Variants in SPTAN1 observed in about 807,000 individuals in gnomAD.
SPTAN1 encodes the protein spectrin alpha chain, non-erythrocytic 1.
In SPTAN1, 61 loss-of-function variants were observed where a neutral mutation model predicts 331.3. The ratio of observed to expected loss-of-function variants is 0.18; its 90% confidence interval spans 0.15 to 0.23. SPTAN1 has a LOEUF of 0.23. Ranked by LOEUF, SPTAN1 falls within the 10% of genes least tolerant of loss-of-function variation. The pLI is 1.00. For missense variants in SPTAN1, 2,043 were observed against 3,147.9 expected, an observed-to-expected ratio of 0.65 and a Z score of 8.40; for synonymous variants, 1,153 against 1,173.9, an observed-to-expected ratio of 0.98 and a Z score of 0.36.
chr9:128,619,072 G>A, intron 44 of SPTAN1, 69 bp downstream of exon 44: 5 of 1,607,886 alleles, frequency 3.1e-6, no homozygotes, highest in South Asian at 1.1e-5. Context: ...TCATTTCCCT[G>A]TTGGTTTGTT....
rs551506340 is a variant in SPTAN1, at chr9:128,590,483, C to T, written c.3007-994C>T. On this transcript the variant is annotated intron_variant, in intron 21 of 56. Transcript: ENST00000372739. Reference sequence around the variant, plus strand: ...CTTTGGGAGGCCGAGACAGGAGGATCGCTTGAGCCCAGGAGTTCGAGACCA... The same window carrying T: ...CTTTGGGAGGCCGAGACAGGAGGATTGCTTGAGCCCAGGAGTTCGAGACCA... Among the ~76,000 whole-genome samples the T allele has an allele frequency of 1.0e-3, 149 of 147,652 alleles. 1 individual carries two copies. Among genetic ancestry groups the T allele is most frequent in the Non-Finnish European group, 4.0e-4 (27 of 67,390 alleles).
In SPTAN1 at chr9:128,627,035, ACTC is replaced by A. The variant is rs1564318271; in HGVS notation, c.6577-348_6577-346del. On this transcript the variant is annotated intron_variant, in intron 49 of 56. Coordinates refer to ENST00000372739, the MANE Select transcript of SPTAN1 (RefSeq NM_001130438.3). The surrounding 1 kb of genome is among the most constrained non-coding windows in gnomAD (Gnocchi z 4.9). ...GCTATGTTGCCCAGGCTGGTCTTCAACTCCTGGCCTCAAGCAGTCCTCCTGCCC... is the reference window on the plus strand; with the variant it reads ...GCTATGTTGCCCAGGCTGGTCTTCAACTGGCCTCAAGCAGTCCTCCTGCCC... The A allele has an allele frequency of 1.8e-6, 1 of 544,898 alleles. No homozygotes were observed. Among genetic ancestry groups the A allele is most frequent in the Non-Finnish European group, 3.5e-6 (1 of 286,544 alleles). 33.8% of individuals were successfully genotyped at this position (544,898 alleles called of 1,614,324 possible). A position where few individuals can be genotyped will look rare whatever the true frequency, so the allele number is the denominator to read the frequency against.
intron 1 of SPTAN1, among the ~76,000 whole-genome samples, chr9:128,560,084 C>CTTTT (rs376433063): frequency 0.14 from 17,742 of 129,800 alleles, 1,837 homozygotes; most frequent in East Asian, 0.43. Flanking sequence ...TCCACCTCAC[C>CTTTT]TTTTTTTTTT....
rs1055767760 is a variant in SPTAN1, at chr9:128,583,367, C to G, written c.2011+86C>G. ...TTAAGTATTTTAGGGACATATACCC[C>G]CCAAGAAAGGTGAGGTGGATGACTT... is the stretch of plus-strand genomic sequence containing the variant. On this transcript the variant is annotated intron_variant, in intron 15 of 56. Coordinates refer to ENST00000372739, the MANE Select transcript of SPTAN1 (RefSeq NM_001130438.3). 7 of 1,356,270 alleles carry G rather than the reference C, an allele frequency of 5.2e-6. No individual in the cohort carries two copies. In the African/African-American group the frequency reaches 1.0e-4, roughly 19 times the overall value. 84.0% of individuals were successfully genotyped at this position (1,356,270 alleles called of 1,614,324 possible).
chr9:128,570,627 C>T (rs946552915), intron 3 of SPTAN1, among the ~76,000 whole-genome samples: 8 of 151,412 alleles, frequency 5.3e-5, no homozygotes, highest in East Asian at 2.0e-4. Flanking sequence ...CTTGAGCCAC[C>T]GTGCCCAGCC....
intron 38 of SPTAN1, 123 bp from the exon 39 acceptor site, chr9:128,611,980 GAATGCT>G: frequency 6.3e-7 from 1 of 1,599,798 alleles, no homozygotes; most frequent in Non-Finnish European, 8.6e-7. Flanking sequence ...TACAGATGGG[GAATGCT>G]AGTGAGAATG....
chr9:128,577,616 C>T lies in SPTAN1; in HGVS notation c.1085+110C>T. ...TGTTCTGTGAAAGTGTCAGGTATCA[C>T]CTACAAATGCAAATCACTTCTTACC... On this transcript the variant is annotated intron_variant, in intron 8 of 56. Coordinates refer to ENST00000372739, the MANE Select transcript of SPTAN1 (RefSeq NM_001130438.3). This position sits in a 1 kb window ranked among gnomAD's most constrained non-coding sequence, Gnocchi z 4.2. 2.1e-6 allele frequency: 3 copies of T among 1,431,086 alleles called. No homozygotes were observed. The highest frequency in any genetic ancestry group is 1.2e-5 in the South Asian group (1 of 86,226). 88.6% of individuals were successfully genotyped at this position (1,431,086 alleles called of 1,614,324 possible).
rs59257779 is a variant in SPTAN1 at position 128,606,374 on chromosome 9, CA to C, written c.4046+915del. On this transcript the variant is annotated intron_variant, in intron 31 of 56. Coordinates refer to ENST00000372739, the MANE Select transcript of SPTAN1 (RefSeq NM_001130438.3). ...TGGGCGATGGAGCAAGACTCTGCCTCAAAAAAAAAAAAAAAAAACAAGTCTC... is the reference window on the plus strand; with the variant it reads ...TGGGCGATGGAGCAAGACTCTGCCTCAAAAAAAAAAAAAAAAACAAGTCTC... Among the ~76,000 whole-genome samples the C allele has an allele frequency of 1.7e-3, 102 of 58,768 alleles. 1 individual carries two copies. Among genetic ancestry groups the C allele is most frequent in the Non-Finnish European group, 2.6e-3 (84 of 32,722 alleles). The allele number at this position is 58,768 out of a possible 152,430, so 38.6% of individuals were successfully genotyped here.
At chr9:128,566,637 G>A (rs746126982) in intron 1 of SPTAN1, 101 bp from the exon 2 acceptor site, 52 of 1,546,428 alleles carry the variant, frequency 3.4e-5, no homozygotes, top group Middle Eastern at 1.8e-4. Context: ...TTTGTCTCCT[G>A]GGTTTATCTG....
Position 128,621,143 on chromosome 9 carries a change from C to T in SPTAN1, c.5734-15C>T, listed in dbSNP as rs575370160. On this transcript the variant is annotated splice_polypyrimidine_tract_variant and intron_variant, in intron 44 of 56. Transcript: ENST00000372739. Reference sequence around the variant, plus strand: ...GCAGGCTCTCAATAGTGTGCCTTGGCTGCTTCTACTCCAGGGCTTACTGAA... The same window carrying T: ...GCAGGCTCTCAATAGTGTGCCTTGGTTGCTTCTACTCCAGGGCTTACTGAA... 1.2e-6 allele frequency: 2 copies of T among 1,613,120 alleles called. No individual in the cohort carries two copies. Among genetic ancestry groups the T allele is most frequent in the South Asian group, 2.2e-5 (2 of 91,058 alleles).
At chr9:128,578,323 C>G in intron 9 of SPTAN1, 78 bp downstream of exon 9, 1 of 1,575,166 alleles carries the variant, frequency 6.3e-7, no homozygotes, top group Non-Finnish European at 8.7e-7. Flanking sequence ...TGGGTGAGGC[C>G]TATAGTCGGC....
At chr9:128,555,209 C>A in intron 1 of SPTAN1, 1 of 513,156 alleles carries the variant, frequency 1.9e-6, no homozygotes, top group Non-Finnish European at 3.1e-6. Flanking sequence ...TACAGAATGT[C>A]AGAGAGAAGA....
rs2131948969 is a variant in SPTAN1 at position 128,625,636 on chromosome 9, T to A, written c.6070-133T>A. Reference sequence around the variant, plus strand: ...GAGCAGGAAAGGGGGCATGTGTGACTGAGTCTCAGCAGTGTCCAGGTGGAC... The same window carrying A: ...GAGCAGGAAAGGGGGCATGTGTGACAGAGTCTCAGCAGTGTCCAGGTGGAC... On this transcript the variant is annotated intron_variant, in intron 47 of 56. Coordinates refer to ENST00000372739, the MANE Select transcript of SPTAN1 (RefSeq NM_001130438.3). The surrounding 1 kb of genome is among the most constrained non-coding windows in gnomAD (Gnocchi z 4.1). The A allele has an allele frequency of 1.5e-5, 13 of 843,442 alleles. No individual in the cohort carries two copies. The South Asian group carries it at 1.8e-4, about 12-fold the overall frequency. 52.2% of individuals were successfully genotyped at this position (843,442 alleles called of 1,614,324 possible).
Position 128,627,820 on chromosome 9 carries a change from G to A in SPTAN1, c.6690-105G>A. On this transcript the variant is annotated intron_variant, in intron 50 of 56. Transcript: ENST00000372739. The surrounding 1 kb of genome is among the most constrained non-coding windows in gnomAD (Gnocchi z 4.9). ...CTGTGCGTTGGGTACTGATGTTCTT[G>A]CTTTTGTTTTCCTTTCTTTCTTGTG... 7.0e-7 allele frequency: 1 copy of A among 1,429,266 alleles called. No homozygotes were observed. The highest frequency in any genetic ancestry group is 9.9e-7 in the Non-Finnish European group (1 of 1,011,978). The allele number at this position is 1,429,266 out of a possible 1,614,324, so 88.5% of individuals were successfully genotyped here. A position where few individuals can be genotyped will look rare whatever the true frequency, so the allele number is the denominator to read the frequency against.
Position 128,617,779 on chromosome 9 carries a change from G to A in SPTAN1, c.5478+19G>A. The stretch of plus-strand genomic sequence containing the variant: ...TATTCAGGTAAGGAGGCCGCCTTCT[G>A]GCCAAGAGGGCAGAGGTGTTTGAGT... On this transcript the variant is annotated intron_variant, in intron 42 of 56. Coordinates refer to ENST00000372739, the MANE Select transcript of SPTAN1 (RefSeq NM_001130438.3). 1 of 1,613,468 alleles carries A rather than the reference G, an allele frequency of 6.2e-7. No homozygotes were observed. The highest frequency in any genetic ancestry group is 1.1e-5 in the South Asian group (1 of 91,020).
rs140799276 is a variant in SPTAN1 at position 128,572,460 on chromosome 9, C to A, written c.364-2215C>A. On this transcript the variant is annotated intron_variant, in intron 3 of 56. Coordinates refer to ENST00000372739, the MANE Select transcript of SPTAN1 (RefSeq NM_001130438.3). ...TGGGACAATGGTTCCAGTACTGGGA[C>A]AGGCCTTGCCCTAGTTCTTTCTTGA... 1.2e-4 allele frequency among the ~76,000 whole-genome samples: 13 copies of A among 104,010 alleles called. 1 individual carries two copies. The East Asian group carries it at 2.7e-3, about 22-fold the overall frequency. The allele number at this position is 104,010 out of a possible 152,430, so 68.2% of individuals were successfully genotyped here. A position where few individuals can be genotyped will look rare whatever the true frequency, so the allele number is the denominator to read the frequency against.
Position 128,625,706 on chromosome 9 carries a change from C to A in SPTAN1, c.6070-63C>A. On this transcript the variant is annotated intron_variant, in intron 47 of 56. Transcript: ENST00000372739. This position sits in a 1 kb window ranked among gnomAD's most constrained non-coding sequence, Gnocchi z 4.1. ...GGGGACATGCTGGTGCCATCTGAGC[C>A]TAGGAAGAGCAAGTTCCAGTCCTGT... 1 of 1,528,488 alleles carries A rather than the reference C, an allele frequency of 6.5e-7. No individual in the cohort carries two copies. The allele number at this position is 1,528,488 out of a possible 1,614,324, so 94.7% of individuals were successfully genotyped here. A position where few individuals can be genotyped will look rare whatever the true frequency, so the allele number is the denominator to read the frequency against.
At chr9:128,628,332 G>A (rs1859116701) in intron 51 of SPTAN1, 1 of 386,010 alleles carries the variant, frequency 2.6e-6, no homozygotes, top group Admixed American at 3.5e-5. Context: ...AGTGGTCAGT[G>A]GGCATGAAGC....
In SPTAN1 at chr9:128,627,961, C is replaced by T. The variant is rs1158308515; in HGVS notation, c.6707+19C>T. ...TCGATGGGTTAATATTGTTTTCTTCCTTCTCTGGGCTTGTCATGTGGGGGT... is the reference window on the plus strand; with the variant it reads ...TCGATGGGTTAATATTGTTTTCTTCTTTCTCTGGGCTTGTCATGTGGGGGT... On this transcript the variant is annotated intron_variant, in intron 51 of 56. Coordinates refer to ENST00000372739, the MANE Select transcript of SPTAN1 (RefSeq NM_001130438.3). The surrounding 1 kb of genome is among the most constrained non-coding windows in gnomAD (Gnocchi z 4.9). The T allele has an allele frequency of 3.7e-6, 6 of 1,614,152 alleles. No homozygotes were observed. Among genetic ancestry groups the T allele is most frequent in the Non-Finnish European group, 3.4e-6 (4 of 1,179,988 alleles).
Sources: gnomAD v4.1 joint callset for allele counts (sites outside exome capture counted in the v4.1 genomes callset) on GRCh38, gnomAD v4.1.1 for gene constraint, Gnocchi (gnomAD v3.1) non-coding constraint, MANE v1.5 for transcripts, NCBI Gene and HGNC (gene_info 2026-07-23, HGNC 2026-07-21) for gene names.